Variants in CES5A observed in about 807,000 individuals in gnomAD.
The protein encoded by CES5A is carboxylesterase 5A, also known as carboxylesterase 5.
In CES5A, 67 loss-of-function variants were observed where a neutral mutation model predicts 62.9. The observed-to-expected ratio is 1.07, with a 90% CI of 0.88 to 1.31. The LOEUF (loss-of-function observed/expected upper bound fraction) is 1.31. Among genes scored for constraint, CES5A ranks in the 50% most tolerant of loss-of-function variants. The pLI, the probability that CES5A is intolerant of heterozygous loss-of-function variation, is 0.00. For synonymous variants in CES5A, 296 were observed against 280.8 expected (o/e 1.05, Z -0.54); for missense variants, 748 against 708.5 (o/e 1.06, Z -0.63).
chr16:55,911,637 T>C (rs1184181621), intron 1 of CES5A, among the ~76,000 whole-genome samples: 1 of 152,240 alleles, frequency 6.6e-6, no homozygotes, highest in Non-Finnish European at 1.5e-5. Flanking sequence ...ATCTGGCTTA[T>C]GGGTTTTCTA....
At chr16:55,851,611 CAT>C (rs1398768013) in intron 10 of CES5A, among the ~76,000 whole-genome samples, 1 of 152,174 alleles carries the variant, frequency 6.6e-6, no homozygotes, top group Non-Finnish European at 1.5e-5. Flanking sequence ...AGAAATTAAA[CAT>C]AGCATTACAG....
At chr16:55,932,057 G>T (rs1314294828) in intron 2 of CES5A, among the ~76,000 whole-genome samples, 1 of 152,206 alleles carries the variant, frequency 6.6e-6, no homozygotes, top group African/African-American at 2.4e-5. Context: ...TGGATAAATG[G>T]ATTGATGGGT....
At chr16:55,882,436 CTGGAGCTTGCCA>C (rs1421318131) in intron 1 of CES5A, among the ~76,000 whole-genome samples, 4 of 152,192 alleles carry the variant, frequency 2.6e-5, no homozygotes, top group Non-Finnish European at 5.9e-5. Context: ...GATCTTCCCA[CTGGAGCTTGCCA>C]TGAGCTCCAC....
At chr16:55,887,929 G>A (rs55708532) in intron 1 of CES5A, among the ~76,000 whole-genome samples, 35,233 of 152,096 alleles carry the variant, frequency 0.23, 5,070 homozygotes, top group Non-Finnish European at 0.32. Flanking sequence ...TTGAGCGGCC[G>A]AGTACTGCAT....
At chr16:55,873,785 G>C in intron 2 of CES5A, 48 bp downstream of exon 2, 2 of 1,522,498 alleles carry the variant, frequency 1.3e-6, no homozygotes, top group Non-Finnish European at 1.8e-6. Flanking sequence ...CTGAATTCCT[G>C]CCACTCCCAG....
At chr16:55,889,612 C>T (rs1439264231) in intron 1 of CES5A, among the ~76,000 whole-genome samples, 1 of 152,064 alleles carries the variant, frequency 6.6e-6, no homozygotes, top group African/African-American at 2.4e-5. Context: ...ACCCCTGACC[C>T]TAAACCTCCA....
At chr16:55,893,294 T>C (rs1403609319) in intron 1 of CES5A, among the ~76,000 whole-genome samples, 1 of 152,028 alleles carries the variant, frequency 6.6e-6, no homozygotes, top group Non-Finnish European at 1.5e-5. Context: ...ATCAGACCTG[T>C]TTTCAATATC....
intron 1 of CES5A, among the ~76,000 whole-genome samples, chr16:55,891,308 C>T (rs1453055675): frequency 1.3e-5 from 2 of 152,202 alleles, no homozygotes; most frequent in African/African-American, 2.4e-5. Context: ...GCACACCCTT[C>T]TATAGAAATA....
intron 11 of CES5A, 117 bp from the exon 12 acceptor site, chr16:55,846,957 A>G: frequency 1.1e-6 from 1 of 873,514 alleles, no homozygotes; most frequent in Non-Finnish European, 1.9e-6. Flanking sequence ...TTACAAGCCT[A>G]CCAAGTCACT....
At chr16:55,895,352 G>GCTGT in intron 1 of CES5A, among the ~76,000 whole-genome samples, 1 of 152,340 alleles carries the variant, frequency 6.6e-6, no homozygotes, top group East Asian at 1.9e-4. Context: ...AGCTGCATGG[G>GCTGT]CTGTGTCCAG....
chr16:55,857,697 T>A (rs2033270805), intron 8 of CES5A, among the ~76,000 whole-genome samples: 1 of 152,220 alleles, frequency 6.6e-6, no homozygotes, highest in South Asian at 2.1e-4. Context: ...CCACACAGGC[T>A]TTTGAACTCT....
intron 1 of CES5A, among the ~76,000 whole-genome samples, chr16:55,954,727 G>A (rs1272090792): frequency 6.6e-6 from 1 of 152,076 alleles, no homozygotes; most frequent in Non-Finnish European, 1.5e-5. Context: ...TAGGGGGAAG[G>A]CCCCTCACAA....
upstream of CES5A, among the ~76,000 whole-genome samples, chr16:55,877,099 GACCACA>G (rs1376952629): frequency 6.6e-6 from 1 of 152,144 alleles, no homozygotes; most frequent in Non-Finnish European, 1.5e-5. Flanking sequence ...TTGCTGTGGA[GACCACA>G]ACAACGCAAG....
chr16:55,878,318 A>C (rs1178263713), upstream of CES5A, among the ~76,000 whole-genome samples: 2 of 152,014 alleles, frequency 1.3e-5, no homozygotes, highest in Admixed American at 6.5e-5. Context: ...CAGGGTGGAA[A>C]CCAGCCTGTA....
intron 2 of CES5A, 72 bp from the exon 3 acceptor site, chr16:55,871,835 T>C (rs539219013): frequency 1.9e-6 from 3 of 1,547,424 alleles, no homozygotes; most frequent in East Asian, 4.5e-5. Context: ...CCAGTTCTTC[T>C]GACAGCGGGG....
intron 3 of CES5A, 137 bp downstream of exon 3, chr16:55,871,487 TA>T: frequency 3.2e-6 from 3 of 925,196 alleles, no homozygotes; most frequent in Non-Finnish European, 4.7e-6. Context: ...AAATGATTTT[TA>T]AAAATTGTTG....
Position 55,875,238 on chromosome 16 carries a change from A to G in CES5A, c.-17T>C. On this transcript the variant is annotated 5_prime_UTR_variant, in exon 1 of 13. Transcript: ENST00000290567. ...CCCACTCATTTGGCTGCCTGCCTGC[A>G]CTCTGTGAACATTGACGGCGGCTGC... The G allele has an allele frequency of 6.2e-7, 1 of 1,611,448 alleles. No individual in the cohort carries two copies. The highest frequency in any genetic ancestry group is 8.5e-7 in the Non-Finnish European group (1 of 1,178,868).
chr16:55,887,640 C>T (rs1348324244), intron 1 of CES5A, among the ~76,000 whole-genome samples: 1 of 152,044 alleles, frequency 6.6e-6, no homozygotes, highest in East Asian at 1.9e-4. Flanking sequence ...ATTGAAGCTG[C>T]AACCAGCATG....
chr16:55,875,491 G>A (rs867506740), upstream of CES5A: 44 of 713,008 alleles, frequency 6.2e-5, 1 homozygote, highest in South Asian at 1.2e-3. Context: ...CGGGATGGGG[G>A]AAACAGAAAA....
Sources: allele counts gnomAD v4.1 joint callset (sites outside exome capture counted in the v4.1 genomes callset), GRCh38; gene constraint gnomAD v4.1.1; transcripts MANE v1.5; gene names NCBI Gene and HGNC (gene_info 2026-07-23, HGNC 2026-07-21).